The following CDC42SE2 variants were observed in gnomAD, a reference collection of about 807,000 sequenced individuals.
CDC42SE2 encodes CDC42 small effector protein 2.
CDC42SE2 carries 3 observed loss-of-function variants against 11.5 expected under a neutral mutation model. That is an observed-to-expected ratio of 0.26 (90% CI 0.12 to 0.67). CDC42SE2 has a LOEUF of 0.67. CDC42SE2 is among the 30% of genes least tolerant of loss of function. CDC42SE2 has a pLI of 0.80. For missense variants in CDC42SE2, 82 were observed against 106.8 expected (o/e 0.77, Z 1.02); for synonymous variants, 33 against 34.8 (o/e 0.95, Z 0.18).
At chr5:131,319,218 T>C (rs958051457) in intron 2 of CDC42SE2, among the ~76,000 whole-genome samples, 17 of 152,176 alleles carry the variant, frequency 1.1e-4, no homozygotes, top group Admixed American at 2.6e-4. Context: ...GATATGACTT[T>C]TCCCCCCACC....
chr5:131,345,771 GGGAA>G (rs1163109441), intron 2 of CDC42SE2, among the ~76,000 whole-genome samples: 4 of 146,706 alleles, frequency 2.7e-5, no homozygotes, highest in African/African-American at 5.0e-5. Context: ...TACCCACAAA[GGGAA>G]GCCCATCAGA....
chr5:131,342,173 G>A (rs565411643), intron 2 of CDC42SE2, among the ~76,000 whole-genome samples: 3 of 150,208 alleles, frequency 2.0e-5, no homozygotes, highest in East Asian at 2.0e-4. Context: ...CCAGCTACTC[G>A]GGAGGCTGAG....
At chr5:131,339,822 AAGAG>A (rs368932993) in intron 2 of CDC42SE2, among the ~76,000 whole-genome samples, 4,999 of 151,440 alleles carry the variant, frequency 0.033, 278 homozygotes, top group African/African-American at 0.11. Context: ...AAAAAAAAAA[AAGAG>A]AGAGAAAATT....
intron 1 of CDC42SE2, among the ~76,000 whole-genome samples, chr5:131,249,281 G>C (rs1178006468): frequency 6.6e-6 from 1 of 152,086 alleles, no homozygotes; most frequent in Admixed American, 6.6e-5. Context: ...GCCTTCCAAA[G>C]CTCTGGGATT....
chr5:131,348,478 A>G (rs1758912695), intron 2 of CDC42SE2, among the ~76,000 whole-genome samples: 1 of 152,236 alleles, frequency 6.6e-6, no homozygotes, highest in South Asian at 2.1e-4. Context: ...ACCATTGCTC[A>G]ATGAAATAAA....
the CDC42SE2 span, among the ~76,000 whole-genome samples, chr5:131,222,688 A>C: frequency 2.0e-5 from 3 of 152,218 alleles, no homozygotes; most frequent in Non-Finnish European, 4.4e-5. Context: ...ATGGCACACT[A>C]TCTGCTCCTT....
At chr5:131,356,081 T>C (rs1749535603) in intron 2 of CDC42SE2, among the ~76,000 whole-genome samples, 2 of 152,214 alleles carry the variant, frequency 1.3e-5, no homozygotes, top group Admixed American at 6.5e-5. Flanking sequence ...GTCCCTTCCC[T>C]TTCTAAAATC....
the CDC42SE2 span, among the ~76,000 whole-genome samples, chr5:131,237,457 G>C: frequency 6.6e-6 from 1 of 152,074 alleles, no homozygotes; most frequent in Non-Finnish European, 1.5e-5. Context: ...TTATATCTGA[G>C]GTATTTTGCA....
At chr5:131,264,013 C>A (rs886395903), upstream of CDC42SE2, 5 of 151,780 alleles carry the variant, frequency 3.3e-5, no homozygotes, top group Non-Finnish European at 5.9e-5. Flanking sequence ...CCTCTCGCTC[C>A]GCCCAACCCG....
At chr5:131,374,675 A>G (rs887548416) in intron 3 of CDC42SE2, among the ~76,000 whole-genome samples, 4 of 152,156 alleles carry the variant, frequency 2.6e-5, no homozygotes, top group African/African-American at 9.7e-5. Flanking sequence ...ACTTGGCTCA[A>G]TTGTAAACAC....
At chr5:131,291,833 A>G (rs1319958630) in intron 1 of CDC42SE2, among the ~76,000 whole-genome samples, 1 of 152,170 alleles carries the variant, frequency 6.6e-6, no homozygotes, top group Non-Finnish European at 1.5e-5. Flanking sequence ...TTAAGGGTTT[A>G]TTTGGCACTT....
chr5:131,217,985 G>C, the CDC42SE2 span, among the ~76,000 whole-genome samples: 1 of 152,006 alleles, frequency 6.6e-6, no homozygotes, highest in Non-Finnish European at 1.5e-5. Context: ...GACCAGCCTG[G>C]GCAACATGGC....
chr5:131,217,077 A>G, the CDC42SE2 span, among the ~76,000 whole-genome samples: 13 of 152,378 alleles, frequency 8.5e-5, 1 homozygote, highest in Admixed American at 7.2e-4. Context: ...AGACAAATGC[A>G]TAATTATTTG....
At chr5:131,333,321 G>A (rs753283512) in intron 2 of CDC42SE2, among the ~76,000 whole-genome samples, 5 of 152,100 alleles carry the variant, frequency 3.3e-5, no homozygotes, top group Non-Finnish European at 7.4e-5. Flanking sequence ...TGTTCCATTG[G>A]TCTATATCTC....
At chr5:131,306,171 C>T (rs1258296478) in intron 1 of CDC42SE2, among the ~76,000 whole-genome samples, 4 of 152,174 alleles carry the variant, frequency 2.6e-5, no homozygotes, top group Admixed American at 2.6e-4. Flanking sequence ...CTGCCTTGTC[C>T]TGCCTGGGAA....
At chr5:131,227,418 T>C in the CDC42SE2 span, among the ~76,000 whole-genome samples, 2 of 152,068 alleles carry the variant, frequency 1.3e-5, no homozygotes, top group Non-Finnish European at 2.9e-5. Context: ...GTGGATCACT[T>C]GAGGTCAGGA....
chr5:131,224,165 T>G, the CDC42SE2 span, among the ~76,000 whole-genome samples: 1 of 152,200 alleles, frequency 6.6e-6, no homozygotes, highest in African/African-American at 2.4e-5. Flanking sequence ...CTTAAAAATC[T>G]CATCTGTTTC....
At chr5:131,342,386 G>GTTTTTTTTTTTTTTTTTTTTTTTTTTT (rs1304028910) in intron 2 of CDC42SE2, among the ~76,000 whole-genome samples, 1 of 114,852 alleles carries the variant, frequency 8.7e-6, no homozygotes, top group African/African-American at 5.8e-5. Flanking sequence ...ATTTTTAATA[G>GTTTTTTTTTTTTTTTTTTTTTTTTTTT]TCTTTTTTTT....
chr5:131,315,218 G>A (rs1758016311), intron 1 of CDC42SE2, among the ~76,000 whole-genome samples: 1 of 151,972 alleles, frequency 6.6e-6, no homozygotes, highest in South Asian at 2.1e-4. Flanking sequence ...GGTTTATTTG[G>A]ACGCTTTTAG....
Sources: allele counts gnomAD v4.1 joint callset (sites outside exome capture counted in the v4.1 genomes callset), GRCh38; gene constraint gnomAD v4.1.1; transcripts MANE v1.5; gene names NCBI Gene and HGNC (gene_info 2026-07-23, HGNC 2026-07-21).